SLC47A2: variants seen among roughly 807,000 people sequenced by gnomAD.
The protein encoded by SLC47A2 is solute carrier family 47 member 2.
In SLC47A2, 52 loss-of-function variants were observed where a neutral mutation model predicts 67.7. That is an observed-to-expected ratio of 0.77 (90% CI 0.61 to 0.97). The LOEUF is 0.97. Ranked by LOEUF, SLC47A2 falls within the 50% of genes least tolerant of loss-of-function variation. The pLI is 0.00. For missense variants in SLC47A2, 676 were observed against 712.3 expected (o/e 0.95, Z 0.58); for synonymous variants, 278 against 292.9 (o/e 0.95, Z 0.52).
rs1201167327 is a variant in SLC47A2 at position 19,705,450 on chromosome 17, T to G, written c.895A>C (p.Thr299Pro). 5.0e-6 allele frequency: 8 copies of G among 1,612,340 alleles called. No individual in the cohort carries two copies. Among genetic ancestry groups the G allele is most frequent in the Non-Finnish European group, 6.8e-6 (8 of 1,179,524 alleles). The change falls in exon 10 of 17, where the codon ACT becomes CCT. Residue 299 changes from threonine (T) to proline (P), a missense_variant. Physicochemically the swap from Thr to Pro is conservative, Grantham distance 38. Transcript: ENST00000433844. Reference protein sequence around the residue: ...SAQAVIYEVATVTYMIPLGLS... With the variant: ...SAQAVIYEVAPVTYMIPLGLS... ...AGGAGCCTTACCATGTAGGTCACAG[T>G]GGCCACCTCGTAGATGACAGCCTGG...
At chr17:19,718,596 T>G (rs1028676324), upstream of SLC47A2, 2 of 152,218 alleles carry the variant, frequency 1.3e-5, no homozygotes, top group Admixed American at 1.3e-4. Flanking sequence ...ATTTTTGTGA[T>G]AGAAGCCAAT....
chr17:19,699,197 T>C (rs1424157715), intron 13 of SLC47A2, among the ~76,000 whole-genome samples: 1 of 152,096 alleles, frequency 6.6e-6, no homozygotes, highest in African/African-American at 2.4e-5. Context: ...GCCTAGTTTT[T>C]TTTTTCCAAG....
intron 13 of SLC47A2, among the ~76,000 whole-genome samples, chr17:19,688,208 C>T (rs917089234): frequency 1.3e-5 from 2 of 152,114 alleles, no homozygotes; most frequent in African/African-American, 2.4e-5. Context: ...GATGGTTCAT[C>T]ATATGCAAAC....
chr17:19,713,746 G>A, intron 4 of SLC47A2, 79 bp downstream of exon 4: 2 of 1,545,858 alleles, frequency 1.3e-6, no homozygotes, highest in Non-Finnish European at 1.7e-6. Context: ...GGGGTGTGAG[G>A]GCTGGGCATC....
chr17:19,702,641 C>T lies in SLC47A2; in HGVS notation c.1128G>A (p.Pro376=), dbSNP rs541718685. 3.7e-5 allele frequency: 60 copies of T among 1,613,998 alleles called. No homozygotes were observed. Among genetic ancestry groups the T allele is most frequent in the African/African-American group, 1.5e-4 (11 of 75,028 alleles). Residue 376 remains proline (P), a synonymous_variant, in exon 13 of 17, where the codon CCG becomes CCA. Coordinates refer to ENST00000433844, the MANE Select transcript of SLC47A2 (RefSeq NM_001099646.3). The part of the protein sequence containing the change: ...DVIALVSQVL[P]VYSVFHVFEA... The stretch of plus-strand genomic sequence containing the variant: ...CAAACACGTGAAAGACACTATAAAC[C>T]GGCAAGACCTGGCTCACCAGGGCAA...
intron 10 of SLC47A2, chr17:19,705,049 A>G (rs1597624121): frequency 3.1e-6 from 1 of 323,948 alleles, no homozygotes; most frequent in Non-Finnish European, 5.5e-6. Flanking sequence ...TTGGTCTTGA[A>G]CTCCTGGCTT....
Position 19,708,291 on chromosome 17 carries a change from C to T in SLC47A2, c.629+11G>A. On this transcript the variant is annotated intron_variant, in intron 7 of 16. Transcript: ENST00000433844. ...GTCCCCTGACCAGGCCCCACCAGCC[C>T]CCGGGCTCACCTGACCCCCAGGTTC... 1 of 1,612,214 alleles carries T rather than the reference C, an allele frequency of 6.2e-7. No homozygotes were observed. The highest frequency in any genetic ancestry group is 8.5e-7 in the Non-Finnish European group (1 of 1,180,012).
rs144337399 is a variant in SLC47A2, at chr17:19,711,958, G to A, written c.486+745C>T. 1.4e-3 allele frequency among the ~76,000 whole-genome samples: 216 copies of A among 152,172 alleles called. 2 individuals carry two copies. The highest frequency in any genetic ancestry group is 9.8e-3 in the East Asian group (51 of 5,186). On this transcript the variant is annotated intron_variant, in intron 5 of 16. Coordinates refer to ENST00000433844, the MANE Select transcript of SLC47A2 (RefSeq NM_001099646.3). ...AACCTTTGGAATTAATATTGTGGAA[G>A]GTTATTTAGTCCTATAAAGAGACTA...
At chr17:19,704,720 G>A (rs1433208176) in intron 10 of SLC47A2, 8 of 1,547,494 alleles carry the variant, frequency 5.2e-6, no homozygotes, top group Non-Finnish European at 7.0e-6. Flanking sequence ...GGGAGGTGGG[G>A]GCTGTGGTGG....
intron 1 of SLC47A2, among the ~76,000 whole-genome samples, chr17:19,715,536 C>T (rs1025830139): frequency 2.0e-5 from 3 of 152,044 alleles, no homozygotes; most frequent in South Asian, 2.1e-4. Flanking sequence ...TTGGTCAGGC[C>T]GCACACCCCC....
intron 13 of SLC47A2, among the ~76,000 whole-genome samples, chr17:19,701,167 CAA>C (rs35086555): frequency 8.6e-4 from 56 of 64,942 alleles, no homozygotes; most frequent in African/African-American, 1.7e-3. Flanking sequence ...GACTCTGTCT[CAA>C]AAAAAAAAAA....
At chr17:19,705,847 C>T (rs1021393794) in intron 9 of SLC47A2, among the ~76,000 whole-genome samples, 2 of 152,226 alleles carry the variant, frequency 1.3e-5, no homozygotes, top group African/African-American at 2.4e-5. Flanking sequence ...GATCCACCCA[C>T]CTCGGCCTTT....
chr17:19,681,433 G>A lies in SLC47A2; in HGVS notation c.1326C>T (p.Val442=), dbSNP rs1239920136. 2 of 1,613,864 alleles carry A rather than the reference G, an allele frequency of 1.2e-6. No individual in the cohort carries two copies. The highest frequency in any genetic ancestry group is 1.1e-5 in the South Asian group (1 of 91,016). Residue 442 remains valine, a synonymous_variant, in exon 15 of 17, where the codon GTC becomes GTT. Coordinates refer to ENST00000433844, the MANE Select transcript of SLC47A2 (RefSeq NM_001099646.3). ...CAACAAAGGCAGCAGTTGCCAGGAA[G>A]ACACAGGCCAGCATGCCCAGCCAGA... ...MGLWLGMLAC[V]FLATAAFVAY...
At chr17:19,702,962 G>C in intron 12 of SLC47A2, 130 bp downstream of exon 12, 1 of 1,064,318 alleles carries the variant, frequency 9.4e-7, no homozygotes, top group Non-Finnish European at 1.4e-6. Context: ...TCCTCTCAGT[G>C]AGAGCCAAGC....
At chr17:19,682,292 C>G (rs1201238493) in intron 13 of SLC47A2, among the ~76,000 whole-genome samples, 1 of 151,434 alleles carries the variant, frequency 6.6e-6, no homozygotes, top group Non-Finnish European at 1.5e-5. Context: ...TAGGATGCAC[C>G]ACTGCACTCT....
In SLC47A2 at chr17:19,706,773, G is replaced by C. The variant is rs749450492; in HGVS notation, c.728-12C>G. 14 of 1,597,546 alleles carry C rather than the reference G, an allele frequency of 8.8e-6. No individual in the cohort carries two copies. The highest frequency in any genetic ancestry group is 1.2e-5 in the Non-Finnish European group (14 of 1,173,136). ...CTGGCTGGACCAACCTGGAAACAGA[G>C]GCCCCATGAGCTGACAGCCTGCCCT... On this transcript the variant is annotated splice_polypyrimidine_tract_variant and intron_variant, in intron 8 of 16. Transcript: ENST00000433844.
chr17:19,714,682 C>T, intron 3 of SLC47A2, 39 bp downstream of exon 3: 2 of 1,612,400 alleles, frequency 1.2e-6, no homozygotes, highest in Non-Finnish European at 1.7e-6. Flanking sequence ...TGGCTCTGCC[C>T]TTGCCTGGCT....
At chr17:19,708,561 C>G in intron 6 of SLC47A2, 155 bp downstream of exon 6, 1 of 1,607,466 alleles carries the variant, frequency 6.2e-7, no homozygotes, top group Non-Finnish European at 8.5e-7. Flanking sequence ...TGCCTCTGTG[C>G]GGGAGGTCAG....
intron 15 of SLC47A2, among the ~76,000 whole-genome samples, chr17:19,680,649 T>C (rs1468375029): frequency 6.6e-6 from 1 of 152,136 alleles, no homozygotes; most frequent in Non-Finnish European, 1.5e-5. Flanking sequence ...TTGCTGTGCC[T>C]GAGATGCAAA....
Sources: gnomAD v4.1 joint callset for allele counts (sites outside exome capture counted in the v4.1 genomes callset) on GRCh38, gnomAD v4.1.1 for gene constraint, MANE v1.5 for transcripts, NCBI Gene and HGNC (gene_info 2026-07-23, HGNC 2026-07-21) for gene names.